Variants in CLSTN2 observed in about 807,000 individuals in gnomAD.
CLSTN2 encodes calsyntenin 2.
A neutral mutation model predicts 101.2 loss-of-function variants in CLSTN2; 48 were observed. That is an observed-to-expected ratio of 0.47 (90% CI 0.38 to 0.60). The LOEUF (loss-of-function observed/expected upper bound fraction) is 0.60. Ranked by LOEUF, CLSTN2 falls within the 20% of genes least tolerant of loss-of-function variation. The probability of loss-of-function intolerance (pLI) is 0.00; values close to 1 mark genes in which losing one functional copy is unlikely to be tolerated. For synonymous variants in CLSTN2, 481 were observed against 463.6 expected, an observed-to-expected ratio of 1.04 and a Z score of -0.48; for missense variants, 1,160 against 1,238.2, an observed-to-expected ratio of 0.94 and a Z score of 0.95.
intron 1 of CLSTN2, among the ~76,000 whole-genome samples, chr3:139,950,935 G>A (rs953495274): frequency 6.6e-5 from 10 of 152,194 alleles, no homozygotes; most frequent in African/African-American, 2.4e-4. Context: ...TGATTCAGAT[G>A]TCATGGACAT....
intron 2 of CLSTN2, among the ~76,000 whole-genome samples, chr3:140,337,814 T>C (rs777992280): frequency 7.2e-5 from 11 of 152,152 alleles, no homozygotes; most frequent in Non-Finnish European, 1.3e-4. Context: ...CCTTCAGAAG[T>C]CTTTGGATAC....
intron 2 of CLSTN2, among the ~76,000 whole-genome samples, chr3:140,286,801 A>T (rs1466193076): frequency 6.6e-6 from 1 of 152,128 alleles, no homozygotes; most frequent in East Asian, 1.9e-4. Flanking sequence ...AAGGAGGAGT[A>T]GTGGGGTCCT....
At chr3:140,088,958 A>G (rs1261892274) in intron 1 of CLSTN2, among the ~76,000 whole-genome samples, 4 of 152,222 alleles carry the variant, frequency 2.6e-5, no homozygotes, top group Non-Finnish European at 5.9e-5. Flanking sequence ...CTTTGTTCCA[A>G]GTTTTTTAAG....
chr3:140,251,399 T>G (rs2086562434), intron 2 of CLSTN2, among the ~76,000 whole-genome samples: 1 of 152,234 alleles, frequency 6.6e-6, no homozygotes, highest in Non-Finnish European at 1.5e-5. Flanking sequence ...TGCCTAGGTA[T>G]TAAACGCATA....
chr3:140,254,256 A>C (rs1482937542), intron 2 of CLSTN2, among the ~76,000 whole-genome samples: 1 of 152,180 alleles, frequency 6.6e-6, no homozygotes, highest in Non-Finnish European at 1.5e-5. Context: ...AAATCATTAC[A>C]TATATGAGTG....
chr3:140,289,979 G>C (rs1217899882), intron 2 of CLSTN2, among the ~76,000 whole-genome samples: 2 of 150,362 alleles, frequency 1.3e-5, no homozygotes, highest in Non-Finnish European at 3.0e-5. Context: ...GGTCTCAGAA[G>C]TCTCTTTGAT....
At chr3:140,469,630 T>C (rs945214624) in intron 8 of CLSTN2, among the ~76,000 whole-genome samples, 8 of 152,204 alleles carry the variant, frequency 5.3e-5, no homozygotes, top group African/African-American at 1.9e-4. Context: ...GTTCTGTAGT[T>C]ACCCATTTAT....
chr3:140,032,760 T>C (rs1284236804), intron 1 of CLSTN2, among the ~76,000 whole-genome samples: 1 of 152,236 alleles, frequency 6.6e-6, no homozygotes, highest in Non-Finnish European at 1.5e-5. Context: ...CCTGCAGCCC[T>C]GTTGGTTAGT....
chr3:140,108,818 C>A (rs1201531994), intron 1 of CLSTN2, among the ~76,000 whole-genome samples: 1 of 152,122 alleles, frequency 6.6e-6, no homozygotes, highest in Admixed American at 6.6e-5. Flanking sequence ...AGAAAATGAG[C>A]CCAGAGAAGG....
At chr3:140,542,734 T>G (rs1266493090) in intron 9 of CLSTN2, among the ~76,000 whole-genome samples, 1 of 152,172 alleles carries the variant, frequency 6.6e-6, no homozygotes, top group Non-Finnish European at 1.5e-5. Context: ...CATGAGTGTA[T>G]TTTGCTGAGA....
intron 1 of CLSTN2, among the ~76,000 whole-genome samples, chr3:140,088,442 G>C (rs763287242): frequency 2.0e-5 from 3 of 152,120 alleles, no homozygotes; most frequent in Non-Finnish European, 4.4e-5. Flanking sequence ...TTCTCTGAAA[G>C]TCTTGTATTT....
chr3:140,067,740 G>A (rs191463506), intron 1 of CLSTN2, among the ~76,000 whole-genome samples: 391 of 152,266 alleles, frequency 2.6e-3, no homozygotes, highest in Non-Finnish European at 4.6e-3. Context: ...ATGTTTCCTG[G>A]GAGAGACGGG....
intron 1 of CLSTN2, among the ~76,000 whole-genome samples, chr3:140,093,217 A>C (rs886190211): frequency 3.9e-5 from 6 of 152,122 alleles, no homozygotes; most frequent in African/African-American, 1.4e-4. Flanking sequence ...TTGCTCCCTG[A>C]GCCATTATTT....
chr3:140,249,626 T>C (rs1382063984), intron 2 of CLSTN2, among the ~76,000 whole-genome samples: 6 of 152,192 alleles, frequency 3.9e-5, no homozygotes, highest in African/African-American at 1.4e-4. Flanking sequence ...ATTATCTCCA[T>C]TTTACAGATG....
rs750088450 is a variant in CLSTN2, at chr3:140,311,287, CTTTTTTTTTTTTTTTTTTTTT to C, written c.233-92326_233-92306del. On this transcript the variant is annotated intron_variant, in intron 2 of 16. Transcript: ENST00000458420. ...ATAATAACAGCTAAGGTTTATTATC[CTTTTTTTTTTTTTTTTTTTTT>C]TTTTTTTTTTTTTTTGAGACAGAGT... Among the ~76,000 whole-genome samples, 28 of 52,080 alleles carry C rather than the reference CTTTTTTTTTTTTTTTTTTTTT, an allele frequency of 5.4e-4. 1 individual carries two copies. In the South Asian group the frequency reaches 0.02, roughly 37 times the overall value. The allele number at this position is 52,080 out of a possible 152,430, so 34.2% of individuals were successfully genotyped here.
chr3:140,502,628 G>C (rs759680330), intron 8 of CLSTN2, among the ~76,000 whole-genome samples: 8 of 152,190 alleles, frequency 5.3e-5, no homozygotes, highest in Non-Finnish European at 1.0e-4. Flanking sequence ...ATTGTGCCTG[G>C]CATCTATGAA....
intron 1 of CLSTN2, among the ~76,000 whole-genome samples, chr3:140,101,126 ATG>A (rs1159628745): frequency 6.6e-6 from 1 of 152,134 alleles, no homozygotes; most frequent in Non-Finnish European, 1.5e-5. Context: ...TATTTGTAAA[ATG>A]TGGTTGATAA....
At position 140,171,687 on chromosome 3, in the gene CLSTN2, T is replaced by TATGTA. The variant is rs1559797210; in HGVS notation, c.110-4262_110-4261insGTAAT. Among the ~76,000 whole-genome samples the TATGTA allele has an allele frequency of 2.6e-4, 30 of 114,022 alleles. 1 individual carries two copies. The East Asian group carries it at 6.1e-3, about 23-fold the overall frequency. The allele number at this position is 114,022 out of a possible 152,430, so 74.8% of individuals were successfully genotyped here. A position where few individuals can be genotyped will look rare whatever the true frequency, so the allele number is the denominator to read the frequency against. ...TATATATAATATGTATTATATATAA[T>TATGTA]ATATATTAATATATAATATGTATTA... is the stretch of plus-strand genomic sequence containing the variant. On this transcript the variant is annotated intron_variant, in intron 1 of 16. Transcript: ENST00000458420.
intron 2 of CLSTN2, among the ~76,000 whole-genome samples, chr3:140,243,020 G>A (rs1003037303): frequency 6.6e-6 from 1 of 152,200 alleles, no homozygotes; most frequent in African/African-American, 2.4e-5. Context: ...ATCTTGCCAA[G>A]CTACTGCAGC....
Sources: allele counts gnomAD v4.1 joint callset (sites outside exome capture counted in the v4.1 genomes callset), GRCh38; gene constraint gnomAD v4.1.1; transcripts MANE v1.5; gene names NCBI Gene and HGNC (gene_info 2026-07-23, HGNC 2026-07-21).